The following HS6ST3 variants were observed in gnomAD, a reference collection of about 807,000 sequenced individuals.
HS6ST3 encodes the protein heparan-sulfate 6-O-sulfotransferase 3.
In HS6ST3, 12 loss-of-function variants were observed where a neutral mutation model predicts 36.7. The ratio of observed to expected loss-of-function variants is 0.33; its 90% CI spans 0.21 to 0.53. The LOEUF (loss-of-function observed/expected upper bound fraction) is 0.53, where lower values mean the gene tolerates loss of function less well. HS6ST3 is among the 20% of genes least tolerant of loss of function. The pLI, the probability that HS6ST3 is intolerant of heterozygous loss-of-function variation, is 0.95. For missense variants in HS6ST3, 584 were observed against 640.9 expected (o/e 0.91, Z 0.96); for synonymous variants, 240 against 257.5 (o/e 0.93, Z 0.65).
At chr13:96,685,976 G>A (rs559476797) in intron 1 of HS6ST3, among the ~76,000 whole-genome samples, 7 of 152,146 alleles carry the variant, frequency 4.6e-5, no homozygotes, top group Middle Eastern at 3.4e-3. Context: ...TAGCTTTGGG[G>A]TAATCTTTTA....
At chr13:96,202,555 CA>C (rs1200610949) in intron 1 of HS6ST3, among the ~76,000 whole-genome samples, 2 of 152,184 alleles carry the variant, frequency 1.3e-5, no homozygotes, top group Non-Finnish European at 2.9e-5. Context: ...GATGCAACCC[CA>C]AGAAGTTGAA....
chr13:96,782,324 G>T (rs1195302741), intron 1 of HS6ST3, among the ~76,000 whole-genome samples: 3 of 152,118 alleles, frequency 2.0e-5, no homozygotes, highest in African/African-American at 7.2e-5. Flanking sequence ...CAAAACAGTC[G>T]CCATGAACAC....
At chr13:96,261,841 A>C (rs1378336415) in intron 1 of HS6ST3, among the ~76,000 whole-genome samples, 1 of 152,154 alleles carries the variant, frequency 6.6e-6, no homozygotes, top group African/African-American at 2.4e-5. Flanking sequence ...ATGAAGATAA[A>C]GGTATTTTAT....
intron 1 of HS6ST3, among the ~76,000 whole-genome samples, chr13:96,328,665 G>A (rs1362011025): frequency 6.6e-6 from 1 of 151,860 alleles, no homozygotes; most frequent in Non-Finnish European, 1.5e-5. Context: ...GTCTCTGCCC[G>A]GCTTTGGTAT....
chr13:96,178,677 C>A (rs1377393222), intron 1 of HS6ST3, among the ~76,000 whole-genome samples: 1 of 152,122 alleles, frequency 6.6e-6, no homozygotes, highest in Non-Finnish European at 1.5e-5. Context: ...TGGAGTGAAT[C>A]TCTCTGTTTC....
chr13:96,163,410 T>C (rs1319216825), intron 1 of HS6ST3, among the ~76,000 whole-genome samples: 3 of 152,012 alleles, frequency 2.0e-5, no homozygotes, highest in East Asian at 1.9e-4. Flanking sequence ...TTTGTATTTT[T>C]AGTAGAGATG....
Position 96,306,437 on chromosome 13 carries a change from C to T in HS6ST3, c.707+214868C>T, listed in dbSNP as rs146510946. On this transcript the variant is annotated intron_variant, in intron 1 of 1. Transcript: ENST00000376705. Reference sequence around the variant, plus strand: ...TGTTAGCCAGGCTGGTCTCTAACTCCTGTCGTCAAGTGGTCCATCTGCCTT... The same window carrying T: ...TGTTAGCCAGGCTGGTCTCTAACTCTTGTCGTCAAGTGGTCCATCTGCCTT... Among the ~76,000 whole-genome samples the T allele has an allele frequency of 7.2e-4, 110 of 152,228 alleles. 2 individuals carry two copies. The highest frequency in any genetic ancestry group is 2.5e-3 in the African/African-American group (105 of 41,552).
intron 1 of HS6ST3, among the ~76,000 whole-genome samples, chr13:96,698,953 A>G (rs917483732): frequency 2.0e-5 from 3 of 152,222 alleles, no homozygotes; most frequent in Non-Finnish European, 2.9e-5. Flanking sequence ...CTGCATATCT[A>G]CAACTATCTG....
intron 1 of HS6ST3, among the ~76,000 whole-genome samples, chr13:96,480,514 A>G (rs1197252825): frequency 1.4e-4 from 22 of 152,120 alleles, no homozygotes; most frequent in Non-Finnish European, 4.4e-5. Flanking sequence ...TTTGTGTGCA[A>G]CATTACTGGA....
At chr13:96,599,267 T>C (rs1219036633) in intron 1 of HS6ST3, among the ~76,000 whole-genome samples, 1 of 152,102 alleles carries the variant, frequency 6.6e-6, no homozygotes, top group Non-Finnish European at 1.5e-5. Context: ...TCTCTGGTTC[T>C]GGGCTTTTTC....
intron 1 of HS6ST3, among the ~76,000 whole-genome samples, chr13:96,538,169 T>A (rs1258613160): frequency 6.6e-6 from 1 of 152,214 alleles, no homozygotes; most frequent in Non-Finnish European, 1.5e-5. Flanking sequence ...GCAAAGCATT[T>A]TAAAGGACCT....
intron 1 of HS6ST3, among the ~76,000 whole-genome samples, chr13:96,361,222 T>C (rs2055237008): frequency 6.6e-6 from 1 of 152,136 alleles, no homozygotes; most frequent in South Asian, 2.1e-4. Flanking sequence ...GCAAATGAAG[T>C]CCAGGCTAAC....
At chr13:96,617,297 A>G (rs1459247210) in intron 1 of HS6ST3, among the ~76,000 whole-genome samples, 1 of 152,198 alleles carries the variant, frequency 6.6e-6, no homozygotes, top group Non-Finnish European at 1.5e-5. Flanking sequence ...TACATGGTAA[A>G]TCCATTTTCT....
In HS6ST3 at chr13:96,395,871, GA is replaced by G. The variant is rs539662634; in HGVS notation, c.707+304304del. Among the ~76,000 whole-genome samples, 59 of 152,304 alleles carry G rather than the reference GA, an allele frequency of 3.9e-4. 1 individual carries two copies. Among genetic ancestry groups the G allele is most frequent in the Non-Finnish European group, 7.1e-4 (48 of 68,032 alleles). On this transcript the variant is annotated intron_variant, in intron 1 of 1. Transcript: ENST00000376705. ...GGGAGAGAAGGAGGAAAGGAAGGAA[GA>G]AGGCAGAAAAGAAGAAAAATAGGGA...
At chr13:96,790,321 C>T (rs1284480862) in intron 1 of HS6ST3, among the ~76,000 whole-genome samples, 1 of 148,202 alleles carries the variant, frequency 6.7e-6, no homozygotes, top group East Asian at 2.0e-4. Flanking sequence ...CTCTTATGTA[C>T]TATATACAGC....
At chr13:96,448,552 T>G (rs1021477671) in intron 1 of HS6ST3, among the ~76,000 whole-genome samples, 1 of 76,468 alleles carries the variant, frequency 1.3e-5, no homozygotes, top group African/African-American at 1.5e-4. Context: ...AACCACCTAA[T>G]AAATACTCAA....
chr13:96,457,815 A>G (rs2055761443), intron 1 of HS6ST3, among the ~76,000 whole-genome samples: 1 of 152,176 alleles, frequency 6.6e-6, no homozygotes, highest in Non-Finnish European at 1.5e-5. Context: ...TACTTAAGAT[A>G]TAAATTGCAT....
chr13:96,404,647 A>G (rs1040824934), intron 1 of HS6ST3, among the ~76,000 whole-genome samples: 2 of 152,236 alleles, frequency 1.3e-5, no homozygotes, highest in Admixed American at 6.5e-5. Context: ...AGGGCCAATA[A>G]GCCAAGAAGT....
chr13:96,452,641 A>G (rs2055733790), intron 1 of HS6ST3, among the ~76,000 whole-genome samples: 1 of 152,178 alleles, frequency 6.6e-6, no homozygotes, highest in Admixed American at 6.5e-5. Flanking sequence ...TATGCAATTA[A>G]GGGAACTGTT....
Sources: allele counts gnomAD v4.1 joint callset (sites outside exome capture counted in the v4.1 genomes callset), GRCh38; gene constraint gnomAD v4.1.1; transcripts MANE v1.5; gene names NCBI Gene and HGNC (gene_info 2026-07-23, HGNC 2026-07-21).